Variants in GYS2 observed in about 807,000 individuals in gnomAD.
GYS2 encodes glycogen [starch] synthase, liver.
A neutral mutation model predicts 85.6 loss-of-function variants in GYS2; 80 were observed. That is an observed-to-expected ratio of 0.93 (90% CI 0.78 to 1.13). The LOEUF (loss-of-function observed/expected upper bound fraction) is 1.13. GYS2 is among the 50% of genes most tolerant of loss of function. The pLI, the probability that GYS2 is intolerant of heterozygous loss-of-function variation, is 0.00. For missense variants in GYS2, 881 were observed against 854.9 expected, an observed-to-expected ratio of 1.03 and a Z score of -0.38; for synonymous variants, 328 against 300.7, an observed-to-expected ratio of 1.09 and a Z score of -0.94.
At position 21,604,551 on chromosome 12, in the gene GYS2, C is replaced by T; in HGVS notation, c.42G>A (p.Gly14=). The change falls in exon 1 of 16, where the codon GGG becomes GGA. Residue 14 remains glycine, a synonymous_variant. Coordinates refer to ENST00000261195, the MANE Select transcript of GYS2 (RefSeq NM_021957.4). The part of the protein sequence containing the change: ...GRSLSVTSLG[G]LPQWEVEELP... ...GTTCTTCGACTTCCCACTGGGGAAG[C>T]CCACCCAGGGATGTTACAGAGAGGG... 1 of 1,612,238 alleles carries T rather than the reference C, an allele frequency of 6.2e-7. No individual in the cohort carries two copies.
downstream of GYS2, chr12:21,532,691 C>A (rs1466880368): frequency 6.6e-6 from 1 of 152,180 alleles, no homozygotes; most frequent in Non-Finnish European, 1.5e-5. Context: ...ATTTACCCAT[C>A]AGACATAAAA....
intron 1 of GYS2, among the ~76,000 whole-genome samples, chr12:21,584,457 C>A (rs1037335366): frequency 7.0e-6 from 1 of 143,060 alleles, no homozygotes; most frequent in African/African-American, 2.6e-5. Context: ...CACCACTCAG[C>A]CTTTTCCCAG....
At chr12:21,554,885 G>T (rs1944159221) in intron 11 of GYS2, among the ~76,000 whole-genome samples, 1 of 152,126 alleles carries the variant, frequency 6.6e-6, no homozygotes, top group Non-Finnish European at 1.5e-5. Context: ...GATCAGCAAG[G>T]CATTCTTCAT....
At chr12:21,567,498 C>T (rs1166435534) in intron 5 of GYS2, among the ~76,000 whole-genome samples, 2 of 150,292 alleles carry the variant, frequency 1.3e-5, no homozygotes, top group Non-Finnish European at 3.0e-5. Context: ...AATGCTGCCA[C>T]TATTCAAATT....
intron 3 of GYS2, 125 bp from the exon 4 acceptor site, chr12:21,574,451 TA>T (rs1226259102): frequency 1.3e-5 from 9 of 710,210 alleles, no homozygotes; most frequent in African/African-American, 8.8e-5. Context: ...AGTCGAAACA[TA>T]AAGCATGAAT....
intron 1 of GYS2, among the ~76,000 whole-genome samples, chr12:21,597,118 A>C (rs936109009): frequency 6.6e-6 from 1 of 152,136 alleles, no homozygotes; most frequent in African/African-American, 2.4e-5. Context: ...AAGAAAACAT[A>C]AGGGAGACAC....
intron 11 of GYS2, among the ~76,000 whole-genome samples, chr12:21,554,092 T>TCTTTAA (rs1944146433): frequency 6.6e-6 from 1 of 152,004 alleles, no homozygotes; most frequent in Non-Finnish European, 1.5e-5. Flanking sequence ...TTAAATACAT[T>TCTTTAA]GACTTTCCTT....
At chr12:21,534,191 C>A (rs933504362), downstream of GYS2, among the ~76,000 whole-genome samples, 2 of 152,156 alleles carry the variant, frequency 1.3e-5, no homozygotes, top group African/African-American at 4.8e-5. Context: ...GATTTATATT[C>A]TGATAGGCCC....
At chr12:21,545,524 G>C (rs1355528629) in intron 12 of GYS2, among the ~76,000 whole-genome samples, 2 of 152,188 alleles carry the variant, frequency 1.3e-5, no homozygotes, top group Non-Finnish European at 2.9e-5. Context: ...AGATGGAAAA[G>C]TTATTGTTGT....
rs147015797 is a variant in GYS2, at chr12:21,562,316, T to C, written c.1062+602A>G. Among the ~76,000 whole-genome samples the C allele has an allele frequency of 1.3e-3, 205 of 152,246 alleles. 4 individuals carry two copies. The East Asian group carries it at 0.033, about 24-fold the overall frequency. ...GGTGAGTGAACCGAGTGTGTATGTG[T>C]CTGCCCTGTTCTATAGAGAGTTCGT... On this transcript the variant is annotated intron_variant, in intron 7 of 15. Coordinates refer to ENST00000261195, the MANE Select transcript of GYS2 (RefSeq NM_021957.4).
In GYS2 at chr12:21,573,090, C is replaced by A. The variant is rs138359516; in HGVS notation, c.678+1054G>T. On this transcript the variant is annotated intron_variant, in intron 4 of 15. Coordinates refer to ENST00000261195, the MANE Select transcript of GYS2 (RefSeq NM_021957.4). Reference sequence around the variant, plus strand: ...AGTTTGACCTTTAAATTAGGCTGACCTTTTTATAGGGAAGGGCTCATCAGG... The same window carrying A: ...AGTTTGACCTTTAAATTAGGCTGACATTTTTATAGGGAAGGGCTCATCAGG... 2.5e-3 allele frequency among the ~76,000 whole-genome samples: 373 copies of A among 152,166 alleles called. 1 individual carries two copies. Among genetic ancestry groups the A allele is most frequent in the African/African-American group, 8.7e-3 (361 of 41,528 alleles).
At chr12:21,554,296 A>G (rs1440636998) in intron 11 of GYS2, among the ~76,000 whole-genome samples, 1 of 151,948 alleles carries the variant, frequency 6.6e-6, no homozygotes, top group African/African-American at 2.4e-5. Flanking sequence ...GCATTTTTAA[A>G]TCTGGGCTGC....
intron 11 of GYS2, among the ~76,000 whole-genome samples, chr12:21,549,227 A>G (rs996187986): frequency 2.6e-5 from 4 of 152,196 alleles, no homozygotes; most frequent in Admixed American, 6.5e-5. Context: ...CTGAGCTATT[A>G]TTAGATTATC....
At chr12:21,591,117 T>C (rs191171415) in intron 1 of GYS2, among the ~76,000 whole-genome samples, 62 of 149,218 alleles carry the variant, frequency 4.2e-4, no homozygotes, top group African/African-American at 1.5e-3. Context: ...ATTTAATAAT[T>C]CTTCAGCAAC....
chr12:21,567,106 T>A lies in GYS2; in HGVS notation c.823+1759A>T, dbSNP rs1269359964. On this transcript the variant is annotated intron_variant, in intron 5 of 15. Transcript: ENST00000261195. ...ATAAAGAAAAATAAAAAACATTAGA[T>A]GACCCTGAATTCGATGATTTTTGGA... Among the ~76,000 whole-genome samples, 5 of 152,144 alleles carry A rather than the reference T, an allele frequency of 3.3e-5. No individual in the cohort carries two copies. The East Asian group carries it at 9.6e-4, about 29-fold the overall frequency.
intron 11 of GYS2, among the ~76,000 whole-genome samples, chr12:21,553,206 C>A (rs796436785): frequency 6.6e-6 from 1 of 152,190 alleles, no homozygotes; most frequent in Non-Finnish European, 1.5e-5. Flanking sequence ...GGAGCCACTG[C>A]GCTTGGCCTA....
intron 4 of GYS2, among the ~76,000 whole-genome samples, chr12:21,569,928 AC>A (rs1204547967): frequency 6.6e-6 from 1 of 152,208 alleles, no homozygotes; most frequent in Non-Finnish European, 1.5e-5. Context: ...GTCGAAGGTC[AC>A]ATTGCTATTA....
Position 21,558,262 on chromosome 12 carries a change from C to A in GYS2, c.1360G>T (p.Asp454Tyr). The change falls in exon 11 of 16, where the codon GAC (aspartate) becomes TAC (tyrosine). Residue 454 changes from aspartate (D) to tyrosine (Y), a missense_variant. Asp to Tyr is a radical substitution (Grantham distance 160). Transcript: ENST00000261195. ...TTHNMIDDST[D>Y]PILSTIRRIG... ...CGTCTAATGGTGCTGAGGATGGGGT[C>A]GGTGGAGTCATCAATCATGTTGTGC... 1 of 1,613,824 alleles carries A rather than the reference C, an allele frequency of 6.2e-7. No individual in the cohort carries two copies. Among genetic ancestry groups the A allele is most frequent in the Non-Finnish European group, 8.5e-7 (1 of 1,179,852 alleles).
intron 5 of GYS2, among the ~76,000 whole-genome samples, chr12:21,567,548 T>A (rs1286509600): frequency 3.3e-5 from 5 of 149,700 alleles, no homozygotes; most frequent in East Asian, 1.9e-4. Flanking sequence ...TTTTTTTTTT[T>A]AACCTAGCAC....
Sources: gnomAD v4.1 joint callset for allele counts (sites outside exome capture counted in the v4.1 genomes callset) on GRCh38, gnomAD v4.1.1 for gene constraint, MANE v1.5 for transcripts, NCBI Gene and HGNC (gene_info 2026-07-23, HGNC 2026-07-21) for gene names.